RHBDD1: variants seen among roughly 807,000 people sequenced by gnomAD.
The protein encoded by RHBDD1 is rhomboid-related protein 4.
RHBDD1 carries 38 observed loss-of-function variants against 36.3 expected under a neutral mutation model. The observed-to-expected ratio is 1.05, with a 90% CI of 0.81 to 1.37. RHBDD1 has a LOEUF of 1.37. Ranked by LOEUF, RHBDD1 falls within the 40% of genes most tolerant of loss-of-function variation. RHBDD1 has a pLI of 0.00. For missense variants in RHBDD1, 393 were observed against 377.6 expected, an observed-to-expected ratio of 1.04 and a Z score of -0.34; for synonymous variants, 151 against 136.5, an observed-to-expected ratio of 1.11 and a Z score of -0.74.
intron 8 of RHBDD1, among the ~76,000 whole-genome samples, chr2:226,987,258 G>A (rs1019949208): frequency 2.0e-5 from 3 of 152,052 alleles, no homozygotes; most frequent in Non-Finnish European, 4.4e-5. Flanking sequence ...CAGGTTGATG[G>A]GTGCAGCAAA....
At chr2:226,908,618 C>CAT (rs1284961443) in intron 6 of RHBDD1, 2 of 568,478 alleles carry the variant, frequency 3.5e-6, no homozygotes, top group Non-Finnish European at 6.3e-6. Context: ...CACACACACA[C>CAT]ACATTCTTTT....
chr2:226,874,682 A>T (rs138815421), intron 5 of RHBDD1, among the ~76,000 whole-genome samples: 6 of 152,122 alleles, frequency 3.9e-5, no homozygotes, highest in Non-Finnish European at 8.8e-5. Flanking sequence ...GTAATCCTGG[A>T]TGATCTCTGT....
upstream of RHBDD1, among the ~76,000 whole-genome samples, chr2:226,833,487 G>A (rs944794078): frequency 6.6e-6 from 1 of 152,190 alleles, no homozygotes; most frequent in Non-Finnish European, 1.5e-5. Context: ...CTCCGCTTAT[G>A]TGCAAGCACC....
At chr2:226,818,849 AC>A in the RHBDD1 span, among the ~76,000 whole-genome samples, 1 of 152,060 alleles carries the variant, frequency 6.6e-6, no homozygotes, top group Non-Finnish European at 1.5e-5. Flanking sequence ...CAAAACAAAA[AC>A]AAAAACAAAA....
chr2:226,883,738 G>T (rs1187268074), intron 5 of RHBDD1, among the ~76,000 whole-genome samples: 2 of 152,248 alleles, frequency 1.3e-5, no homozygotes, highest in African/African-American at 4.8e-5. Context: ...ATGAGTGGAG[G>T]TTATTTTAAA....
intron 8 of RHBDD1, among the ~76,000 whole-genome samples, chr2:226,947,344 A>G (rs1201749419): frequency 1.3e-5 from 2 of 151,878 alleles, no homozygotes; most frequent in African/African-American, 4.8e-5. Flanking sequence ...TCCCAGCACC[A>G]TTTATTAAAT....
At chr2:226,851,676 T>G (rs1942830290) in intron 3 of RHBDD1, among the ~76,000 whole-genome samples, 1 of 152,194 alleles carries the variant, frequency 6.6e-6, no homozygotes, top group Admixed American at 6.5e-5. Context: ...CTCTAGTCCC[T>G]TGGAATGAAT....
chr2:226,815,475 T>C, the RHBDD1 span, among the ~76,000 whole-genome samples: 2 of 152,236 alleles, frequency 1.3e-5, no homozygotes, highest in African/African-American at 4.8e-5. Context: ...TATTATATAT[T>C]TCATCCAAAC....
chr2:226,958,203 A>T (rs1200412299), intron 8 of RHBDD1, among the ~76,000 whole-genome samples: 6 of 152,254 alleles, frequency 3.9e-5, no homozygotes, highest in Admixed American at 3.9e-4. Context: ...GGCCCTAAAA[A>T]GTAATAAAGT....
the RHBDD1 span, among the ~76,000 whole-genome samples, chr2:226,822,433 G>C: frequency 6.6e-6 from 1 of 152,086 alleles, no homozygotes; most frequent in African/African-American, 2.4e-5. Flanking sequence ...TCAGGAGTTT[G>C]AGATCAGCCT....
the RHBDD1 span, among the ~76,000 whole-genome samples, chr2:226,819,887 C>G: frequency 6.6e-6 from 1 of 151,516 alleles, no homozygotes; most frequent in Admixed American, 6.6e-5. Context: ...ATTATGTGCA[C>G]TAAAAACAAG....
chr2:226,825,961 T>G, the RHBDD1 span, among the ~76,000 whole-genome samples: 1 of 152,232 alleles, frequency 6.6e-6, no homozygotes, highest in African/African-American at 2.4e-5. Context: ...CCAGGCACTT[T>G]GATAAAAGCT....
rs1944416298 is a variant in RHBDD1, at chr2:226,867,228, C to T, written c.476C>T (p.Pro159Leu). Residue 159 changes from proline (P) to leucine (L), a missense_variant, in exon 5 of 9, where the codon CCT becomes CTT. Physicochemically the swap from Pro to Leu is moderately conservative, Grantham distance 98. Coordinates refer to ENST00000392062, the MANE Select transcript of RHBDD1 (RefSeq NM_001167608.3). ...AAAGTTCTTAACAACCATTATTGCCCTGGAGGCTTTGTCAACATTTTGGGC... is the reference window on the plus strand; with the variant it reads ...AAAGTTCTTAACAACCATTATTGCCTTGGAGGCTTTGTCAACATTTTGGGC... ...ALKVLNNHYC[P>L]GGFVNILGFP... is the part of the protein sequence containing the mutation. 1 of 1,613,026 alleles carries T rather than the reference C, an allele frequency of 6.2e-7. No homozygotes were observed. The highest frequency in any genetic ancestry group is 1.3e-5 in the African/African-American group (1 of 74,882).
chr2:226,964,099 C>T (rs1952435823), intron 8 of RHBDD1, among the ~76,000 whole-genome samples: 2 of 152,184 alleles, frequency 1.3e-5, no homozygotes, highest in South Asian at 2.1e-4. Context: ...AGTCTCTCTC[C>T]TCTCCTATCT....
intron 8 of RHBDD1, among the ~76,000 whole-genome samples, chr2:226,916,388 A>G (rs1311383681): frequency 3.9e-5 from 6 of 152,212 alleles, no homozygotes; most frequent in Admixed American, 1.3e-4. Context: ...AAAGGGCCCC[A>G]GAGCCTATAT....
the RHBDD1 span, among the ~76,000 whole-genome samples, chr2:226,810,490 G>A: frequency 1.6e-4 from 19 of 120,010 alleles, no homozygotes; most frequent in African/African-American, 6.2e-4. Flanking sequence ...TCAGTGAGCC[G>A]AGATCACACC....
At chr2:226,933,820 A>G (rs2149114096) in intron 8 of RHBDD1, among the ~76,000 whole-genome samples, 1 of 152,282 alleles carries the variant, frequency 6.6e-6, no homozygotes, top group South Asian at 2.1e-4. Flanking sequence ...AGCATTCCTT[A>G]TTCTTCACTG....
intron 5 of RHBDD1, among the ~76,000 whole-genome samples, chr2:226,884,126 T>G (rs2125423157): frequency 6.6e-6 from 1 of 152,314 alleles, no homozygotes; most frequent in Admixed American, 6.5e-5. Context: ...GTTTACTTAA[T>G]TCTTCCCATT....
Position 226,865,032 on chromosome 2 carries a change from A to G in RHBDD1, c.339A>G (p.Val113=), listed in dbSNP as rs1944208113. The change falls in exon 4 of 9, where the codon GTA becomes GTG. Residue 113 remains valine, a synonymous_variant. Coordinates refer to ENST00000392062, the MANE Select transcript of RHBDD1 (RefSeq NM_001167608.3). The part of the protein sequence containing the change: ...WFAYVITAFS[V]LTGVVYLLLQ... ...CCTATGTTATCACCGCATTTTCTGTACTTACTGGAGTGGTATACCTGCTCT... is the reference window on the plus strand; with the variant it reads ...CCTATGTTATCACCGCATTTTCTGTGCTTACTGGAGTGGTATACCTGCTCT... 1.9e-6 allele frequency: 3 copies of G among 1,614,076 alleles called. No individual in the cohort carries two copies. The highest frequency in any genetic ancestry group is 4.5e-5 in the East Asian group (2 of 44,906).
Sources: allele counts gnomAD v4.1 joint callset (sites outside exome capture counted in the v4.1 genomes callset), GRCh38; gene constraint gnomAD v4.1.1; transcripts MANE v1.5; gene names NCBI Gene and HGNC (gene_info 2026-07-23, HGNC 2026-07-21).